The following UIMC1 variants were observed in gnomAD, a reference collection of about 807,000 sequenced individuals.
UIMC1 encodes ubiquitin interaction motif containing 1, also known as BRCA1-A complex subunit RAP80.
In UIMC1, 42 loss-of-function variants were observed where a neutral mutation model predicts 84.9. The observed-to-expected ratio is 0.49, with a 90% CI of 0.39 to 0.64. The LOEUF (loss-of-function observed/expected upper bound fraction) is 0.64, where lower values mean the gene tolerates loss of function less well. Ranked by LOEUF, UIMC1 falls within the 30% of genes least tolerant of loss-of-function variation. UIMC1 has a pLI of 0.00. For missense variants in UIMC1, 825 were observed against 847.6 expected, an observed-to-expected ratio of 0.97 and a Z score of 0.33; for synonymous variants, 281 against 293.0, an observed-to-expected ratio of 0.96 and a Z score of 0.42.
intron 10 of UIMC1, among the ~76,000 whole-genome samples, chr5:176,925,903 T>C (rs1762334187): frequency 6.6e-6 from 1 of 152,220 alleles, no homozygotes; most frequent in Admixed American, 6.6e-5. Context: ...ACTTGGTTCA[T>C]GATTTGCATG....
intron 14 of UIMC1, 120 bp downstream of exon 14, chr5:176,905,891 T>C (rs999658121): frequency 6.6e-6 from 7 of 1,066,674 alleles, no homozygotes; most frequent in African/African-American, 6.3e-5. Flanking sequence ...GAGGTCATAA[T>C]AGTTCCACAG....
intron 1 of UIMC1, among the ~76,000 whole-genome samples, chr5:176,997,223 TTTC>T (rs1334527830): frequency 6.6e-6 from 1 of 152,090 alleles, no homozygotes; most frequent in Non-Finnish European, 1.5e-5. Context: ...AAGCTCTCCA[TTTC>T]TTTTCATTTT....
intron 2 of UIMC1, among the ~76,000 whole-genome samples, chr5:176,977,222 T>TTAAAAAAA (rs1399809937): frequency 1.1e-5 from 1 of 93,302 alleles, no homozygotes; most frequent in Non-Finnish European, 1.9e-5. Context: ...AGATTCTGTC[T>TTAAAAAAA]CAAAAAAAAA....
At chr5:176,941,523 A>G (rs1764435194) in intron 10 of UIMC1, among the ~76,000 whole-genome samples, 1 of 152,240 alleles carries the variant, frequency 6.6e-6, no homozygotes, top group Non-Finnish European at 1.5e-5. Flanking sequence ...ACTAAAAAGT[A>G]TATTACTTCA....
chr5:176,928,952 TA>T (rs991197276), intron 10 of UIMC1, among the ~76,000 whole-genome samples: 6 of 148,754 alleles, frequency 4.0e-5, no homozygotes, highest in Non-Finnish European at 4.5e-5. Context: ...CTACGTCTTT[TA>T]AAAAAAAAAT....
chr5:176,953,190 T>C (rs550800645), intron 8 of UIMC1, among the ~76,000 whole-genome samples: 1 of 152,198 alleles, frequency 6.6e-6, no homozygotes, highest in Admixed American at 6.5e-5. Context: ...CCCCCAAAAC[T>C]GTGAGAAATA....
chr5:176,912,699 T>C (rs1760405257), intron 10 of UIMC1, among the ~76,000 whole-genome samples: 1 of 149,510 alleles, frequency 6.7e-6, no homozygotes, highest in Non-Finnish European at 1.5e-5. Context: ...GGAGTCTCGC[T>C]CTGTCACGCA....
At chr5:176,997,766 T>C (rs1487307315) in intron 1 of UIMC1, among the ~76,000 whole-genome samples, 1 of 151,878 alleles carries the variant, frequency 6.6e-6, no homozygotes, top group Admixed American at 6.6e-5. Context: ...TAACATAGTC[T>C]ACAAAGTATG....
chr5:176,944,780 G>GA (rs1764877518), intron 9 of UIMC1, among the ~76,000 whole-genome samples: 1 of 152,128 alleles, frequency 6.6e-6, no homozygotes, highest in Non-Finnish European at 1.5e-5. Context: ...CAAACTGCCA[G>GA]AAAATGTCCT....
At chr5:176,946,144 C>T (rs1765078330) in intron 9 of UIMC1, among the ~76,000 whole-genome samples, 1 of 152,096 alleles carries the variant, frequency 6.6e-6, no homozygotes, top group Non-Finnish European at 1.5e-5. Flanking sequence ...ACCCCAGGAC[C>T]AGAAGGCAGT....
chr5:176,950,778 G>T (rs1765780704), intron 9 of UIMC1, among the ~76,000 whole-genome samples: 1 of 152,056 alleles, frequency 6.6e-6, no homozygotes, highest in East Asian at 1.9e-4. Flanking sequence ...GCTGAGGCAG[G>T]AGAAACACTT....
At chr5:176,905,547 C>T in intron 14 of UIMC1, 55 bp from the exon 15 acceptor site, 2 of 1,514,326 alleles carry the variant, frequency 1.3e-6, no homozygotes, top group Admixed American at 1.7e-5. Flanking sequence ...GCATCAAGGA[C>T]ATGCTATGCA....
At chr5:176,945,948 T>C (rs1475014855) in intron 9 of UIMC1, among the ~76,000 whole-genome samples, 2 of 152,330 alleles carry the variant, frequency 1.3e-5, no homozygotes, top group East Asian at 3.9e-4. Context: ...AATTCTTATC[T>C]CTGTATACTA....
chr5:176,938,222 ACTT>A lies in UIMC1; in HGVS notation c.1597+5110_1597+5112del, dbSNP rs1182728862. ...AAAAAAAAAAAAAAAAGGGAAAATT[ACTT>A]CTTTCCTTCCACAGTAAAAAAAAAA... On this transcript the variant is annotated intron_variant, in intron 10 of 14. Coordinates refer to ENST00000511320, the MANE Select transcript of UIMC1 (RefSeq NM_001199298.2). Among the ~76,000 whole-genome samples the A allele has an allele frequency of 7.0e-5, 10 of 142,732 alleles. No homozygotes were observed. The East Asian group carries it at 2.1e-3, about 29-fold the overall frequency. 93.6% of individuals were successfully genotyped at this position (142,732 alleles called of 152,430 possible). A position where few individuals can be genotyped will look rare whatever the true frequency, so the allele number is the denominator to read the frequency against.
rs759959557 is a variant in UIMC1 at position 176,983,072 on chromosome 5, C to T, written c.-8-449G>A. The stretch of plus-strand genomic sequence containing the variant: ...TGGTATTGAACTCCTGACCTCAGGT[C>T]ATCTGCCCGCCTTGGCCTCCCAAAG... On this transcript the variant is annotated intron_variant, in intron 1 of 14. Coordinates refer to ENST00000511320, the MANE Select transcript of UIMC1 (RefSeq NM_001199298.2). Among the ~76,000 whole-genome samples the T allele has an allele frequency of 9.2e-5, 14 of 152,102 alleles. 1 individual carries two copies. Among genetic ancestry groups the T allele is most frequent in the Admixed American group, 7.2e-4 (11 of 15,274 alleles).
intron 12 of UIMC1, 84 bp from the exon 13 acceptor site, chr5:176,907,261 A>G: frequency 2.2e-6 from 3 of 1,333,702 alleles, no homozygotes; most frequent in Non-Finnish European, 3.2e-6. Context: ...ACACGTGTTC[A>G]TAGAAGAGAA....
intron 9 of UIMC1, among the ~76,000 whole-genome samples, chr5:176,949,168 TGCA>T (rs1333235793): frequency 1.3e-5 from 2 of 152,154 alleles, no homozygotes; most frequent in Non-Finnish European, 2.9e-5. Context: ...GTGCACAATG[TGCA>T]GGTTTGTTAC....
chr5:176,956,812 G>T (rs1328815771), intron 7 of UIMC1, among the ~76,000 whole-genome samples: 1 of 151,744 alleles, frequency 6.6e-6, no homozygotes, highest in Non-Finnish European at 1.5e-5. Flanking sequence ...AGACAGAATA[G>T]CTACAACTGA....
At chr5:176,966,840 G>A (rs916045256) in intron 6 of UIMC1, among the ~76,000 whole-genome samples, 4 of 152,036 alleles carry the variant, frequency 2.6e-5, no homozygotes, top group African/African-American at 9.7e-5. Context: ...TATATAAAGT[G>A]TATCCACAAA....
Sources: gnomAD v4.1 joint callset for allele counts (sites outside exome capture counted in the v4.1 genomes callset) on GRCh38, gnomAD v4.1.1 for gene constraint, MANE v1.5 for transcripts, NCBI Gene and HGNC (gene_info 2026-07-23, HGNC 2026-07-21) for gene names.